DHX16: variants seen among roughly 807,000 people sequenced by gnomAD.
The protein encoded by DHX16 is pre-mRNA-splicing factor ATP-dependent RNA helicase DHX16.
DHX16 carries 81 observed loss-of-function variants against 131.2 expected under a neutral mutation model. That is an observed-to-expected ratio of 0.62 (90% CI 0.52 to 0.74). DHX16 has a LOEUF of 0.74. DHX16 is among the 30% of genes least tolerant of loss of function. The pLI, the probability that DHX16 is intolerant of heterozygous loss-of-function variation, is 0.00. For synonymous variants in DHX16, 440 were observed against 520.2 expected (o/e 0.85, Z 2.10); for missense variants, 980 against 1,363.1 (o/e 0.72, Z 4.43).
chr6:30,665,658 C>T lies in DHX16; in HGVS notation c.742G>A (p.Ala248Thr). Residue 248 changes from alanine to threonine, a missense_variant, in exon 5 of 20, where the codon GCG becomes ACG. Transcript: ENST00000376442. The surrounding 1 kb of genome is among the most constrained non-coding windows in gnomAD (Gnocchi z 4.8). ...REREKLEDLEAELADEEFLFG... is the reference protein window; with the variant it reads ...REREKLEDLETELADEEFLFG... ...AGGAACTCCTCATCAGCCAGCTCCG[C>T]CTCCAGGTCCTCAAGCTTCTCTCGC... The T allele has an allele frequency of 6.2e-7, 1 of 1,612,764 alleles. No individual in the cohort carries two copies.
At position 30,665,535 on chromosome 6, in the gene DHX16, G is replaced by A. The variant is rs1768961558; in HGVS notation, c.865C>T (p.Gln289Ter). ...LAREYRAAGE[Q>*]EKLEATNRYH... ...CGATTGGTGGCCTCCAGCTTCTCCT[G>A]CTCCCCAGCTGCCCGGTACTCCCGG... The change falls in exon 5 of 20, where the codon CAG becomes TAG. Residue 289 changes from glutamine (Q) to a stop codon, truncating the protein, a stop_gained. Coordinates refer to ENST00000376442, the MANE Select transcript of DHX16 (RefSeq NM_003587.5). LOFTEE classifies it high-confidence loss of function. The surrounding 1 kb of genome is among the most constrained non-coding windows in gnomAD (Gnocchi z 4.8). 1.2e-6 allele frequency: 2 copies of A among 1,612,892 alleles called. No individual in the cohort carries two copies. Among genetic ancestry groups the A allele is most frequent in the Non-Finnish European group, 1.7e-6 (2 of 1,180,020 alleles).
chr6:30,654,114 T>C (rs1225171153), intron 19 of DHX16, among the ~76,000 whole-genome samples: 9 of 147,304 alleles, frequency 6.1e-5, no homozygotes, highest in Non-Finnish European at 1.2e-4. Flanking sequence ...CACGGAACTC[T>C]CAAAAAAAAG....
intron 1 of DHX16, among the ~76,000 whole-genome samples, chr6:30,672,186 G>C (rs1769623077): frequency 1.3e-5 from 2 of 151,702 alleles, no homozygotes; most frequent in Non-Finnish European, 2.9e-5. Flanking sequence ...GGGGGTGGTG[G>C]CGCGCGCCCG....
chr6:30,653,492 G>T, intron 19 of DHX16, 122 bp from the exon 20 acceptor site: 1 of 1,125,574 alleles, frequency 8.9e-7, no homozygotes, highest in Non-Finnish European at 1.2e-6. Context: ...GACTGCAGTG[G>T]CGTATCATGG....
chr6:30,664,032 A>C (rs910784786), intron 7 of DHX16, among the ~76,000 whole-genome samples: 3 of 151,694 alleles, frequency 2.0e-5, no homozygotes, highest in Non-Finnish European at 4.4e-5. Flanking sequence ...TCAAAAAAAA[A>C]CAAAAAATGT....
Position 30,673,001 on chromosome 6 carries a change from T to C in DHX16, c.-160A>G, listed in dbSNP as rs759521483. On this transcript the variant is annotated 5_prime_UTR_variant, in exon 1 of 20. Coordinates refer to ENST00000376442, the MANE Select transcript of DHX16 (RefSeq NM_003587.5). Reference sequence around the variant, plus strand: ...CCGACATCCCAAAGCTGTCTTCCCGTACCGCGGAGCCCGGAAGGGGCTGTA... The same window carrying C: ...CCGACATCCCAAAGCTGTCTTCCCGCACCGCGGAGCCCGGAAGGGGCTGTA... 9.0e-6 allele frequency: 14 copies of C among 1,550,332 alleles called. No homozygotes were observed. The South Asian group carries it at 1.6e-4, about 17-fold the overall frequency.
Position 30,656,684 on chromosome 6 carries a change from C to T in DHX16, c.2224G>A (p.Ala742Thr), listed in dbSNP as rs1768017054. 1.9e-6 allele frequency: 3 copies of T among 1,613,808 alleles called. No homozygotes were observed. Among genetic ancestry groups the T allele is most frequent in the Middle Eastern group, 1.6e-4 (1 of 6,084 alleles). The change falls in exon 14 of 20, where the codon GCC (alanine) becomes ACC (threonine). Residue 742 changes from alanine (A) to threonine (T), a missense_variant. Transcript: ENST00000376442. The surrounding 1 kb of genome is among the most constrained non-coding windows in gnomAD (Gnocchi z 5.1). The part of the protein sequence containing the change: ...GKCFRLYTAW[A>T]YQHELEETTV... ...GTTTCCTCAAGCTCGTGCTGATAGG[C>T]CCAGGCGGTATACAGGCGGAAGCAC... is the stretch of plus-strand genomic sequence containing the variant.
rs370159014 is a variant in DHX16 at position 30,663,711 on chromosome 6, ACT to A, written c.1318-692_1318-691del. Among the ~76,000 whole-genome samples the A allele has an allele frequency of 6.5e-3, 756 of 116,566 alleles. 12 individuals are homozygous for A. The highest frequency in any genetic ancestry group is 0.059 in the South Asian group (223 of 3,756). 76.5% of individuals were successfully genotyped at this position (116,566 alleles called of 152,430 possible). On this transcript the variant is annotated intron_variant, in intron 7 of 19. Coordinates refer to ENST00000376442, the MANE Select transcript of DHX16 (RefSeq NM_003587.5). ...ACTCCAGCCTGGGCAACAGAGCAAG[ACT>A]CTGTCTCAAAAAAAAAAAAAAAAAA...
rs1413882055 is a variant in DHX16 at position 30,655,261 on chromosome 6, C to T, written c.2737G>A (p.Asp913Asn). 6.2e-6 allele frequency: 10 copies of T among 1,614,090 alleles called. No individual in the cohort carries two copies. The highest frequency in any genetic ancestry group is 8.5e-6 in the Non-Finnish European group (10 of 1,180,052). Reference sequence around the variant, plus strand: ...AGCCCTTCCAGCTGTTCCCGCACATCCCGGGCTCGGCGCATCGATCTGAAC... The same window carrying T: ...AGCCCTTCCAGCTGTTCCCGCACATTCCGGGCTCGGCGCATCGATCTGAAC... Reference protein sequence around the residue: ...VQFRSMRRARDVREQLEGLLE... With the variant: ...VQFRSMRRARNVREQLEGLLE... The change falls in exon 18 of 20, where the codon GAT becomes AAT. Residue 913 changes from aspartate to asparagine, a missense_variant. Physicochemically the swap from Asp to Asn is conservative, Grantham distance 23. This residue lies in a region of DHX16 where 214 missense variants were observed against 271.2 expected (regional missense o/e 0.79). Transcript: ENST00000376442.
rs914141994 is a variant in DHX16 at position 30,670,081 on chromosome 6, C to G, written c.666+329G>C. Reference sequence around the variant, plus strand: ...TGCCCTCCAGCAACCTTCTTGACAACATTCCAGCTGCCTCATATCTCATTA... The same window carrying G: ...TGCCCTCCAGCAACCTTCTTGACAAGATTCCAGCTGCCTCATATCTCATTA... On this transcript the variant is annotated intron_variant, in intron 4 of 19. Coordinates refer to ENST00000376442, the MANE Select transcript of DHX16 (RefSeq NM_003587.5). The surrounding 1 kb of genome is among the most constrained non-coding windows in gnomAD (Gnocchi z 4.4). Among the ~76,000 whole-genome samples, 4 of 152,198 alleles carry G rather than the reference C, an allele frequency of 2.6e-5. No individual in the cohort carries two copies. Among genetic ancestry groups the G allele is most frequent in the African/African-American group, 9.7e-5 (4 of 41,440 alleles).
chr6:30,659,840 G>A lies in DHX16; in HGVS notation c.1756-6C>T, dbSNP rs1203373141. 3 of 1,613,616 alleles carry A rather than the reference G, an allele frequency of 1.9e-6. No individual in the cohort carries two copies. Among genetic ancestry groups the A allele is most frequent in the African/African-American group, 2.7e-5 (2 of 74,934 alleles). On this transcript the variant is annotated splice_region_variant and splice_polypyrimidine_tract_variant and intron_variant, in intron 10 of 19. Transcript: ENST00000376442. ...AAGTAGTCAGCCTCTGGAGCCTGGAGAGCAGAAAGAGATGGGGTCACAGGA... is the reference window on the plus strand; with the variant it reads ...AAGTAGTCAGCCTCTGGAGCCTGGAAAGCAGAAAGAGATGGGGTCACAGGA...
intron 12 of DHX16, 99 bp from the exon 13 acceptor site, chr6:30,657,191 A>AG: frequency 7.9e-7 from 1 of 1,265,616 alleles, no homozygotes; most frequent in Non-Finnish European, 1.1e-6. Context: ...AGTTGCAGTA[A>AG]GGGGCAGGAG....
At position 30,671,260 on chromosome 6, in the gene DHX16, T is replaced by A; in HGVS notation, c.222A>T (p.Ala74=). ...CTGCCCGAGCTGGCTTTTCTACCAC[T>A]GCCTTTCGTGGTACCTGTCAGTAGA... The part of the protein sequence containing the change: ...LRLWNKVPRK[A]VVEKPARAAE... The change falls in exon 2 of 20, where the codon GCA becomes GCT. Residue 74 remains alanine (A), a synonymous_variant. Transcript: ENST00000376442. 1 of 1,612,984 alleles carries A rather than the reference T, an allele frequency of 6.2e-7. No homozygotes were observed. The highest frequency in any genetic ancestry group is 8.5e-7 in the Non-Finnish European group (1 of 1,179,984).
intron 9 of DHX16, 117 bp from the exon 10 acceptor site, chr6:30,660,359 G>C: frequency 1.2e-6 from 1 of 834,092 alleles, no homozygotes; most frequent in Non-Finnish European, 1.7e-6. Context: ...AATGACTGTT[G>C]ACGGAGGGGG....
Position 30,665,458 on chromosome 6 carries a change from G to C in DHX16, c.921+21C>G, listed in dbSNP as rs1219136994. ...ACTTGTCTTGGGGACCAAGGCTGAA[G>C]CAGACGCCGCTTCACCTCACCTGTC... On this transcript the variant is annotated intron_variant, in intron 5 of 19. Coordinates refer to ENST00000376442, the MANE Select transcript of DHX16 (RefSeq NM_003587.5). This position sits in a 1 kb window ranked among gnomAD's most constrained non-coding sequence, Gnocchi z 4.8. 2.5e-6 allele frequency: 4 copies of C among 1,606,468 alleles called. No individual in the cohort carries two copies. In the African/African-American group the frequency reaches 4.0e-5, roughly 16 times the overall value.
Position 30,654,692 on chromosome 6 carries a change from G to A in DHX16, c.2997+14C>T, listed in dbSNP as rs767575385. 1.2e-6 allele frequency: 2 copies of A among 1,606,814 alleles called. No individual in the cohort carries two copies. Among genetic ancestry groups the A allele is most frequent in the African/African-American group, 1.3e-5 (1 of 74,982 alleles). On this transcript the variant is annotated intron_variant, in intron 19 of 19. Transcript: ENST00000376442. ...ATAGTCTCCACCTGCGTGGGCACAG[G>A]ATGTTCTCCTCACCTGTCTCATGAA...
chr6:30,659,588 G>A lies in DHX16; in HGVS notation c.1891C>T (p.Arg631Cys), dbSNP rs757748798. ...ATTTTGGAGCCCAGGCGGCGGCAGCGATCCTGGAGCATCTCACAGGCAGCC... is the reference window on the plus strand; with the variant it reads ...ATTTTGGAGCCCAGGCGGCGGCAGCAATCCTGGAGCATCTCACAGGCAGCC... Reference protein sequence around the residue: ...IEAACEMLQDRCRRLGSKIRE... With the variant: ...IEAACEMLQDCCRRLGSKIRE... The change falls in exon 12 of 20, where the codon CGC (arginine) becomes TGC (cysteine). Residue 631 changes from arginine (R) to cysteine (C), a missense_variant. Arg to Cys is a radical substitution (Grantham distance 180). This residue lies in a region of DHX16 where 309 missense variants were observed against 537.1 expected (regional missense o/e 0.58). Coordinates refer to ENST00000376442, the MANE Select transcript of DHX16 (RefSeq NM_003587.5). The A allele has an allele frequency of 7.4e-6, 12 of 1,613,556 alleles. No homozygotes were observed. The highest frequency in any genetic ancestry group is 1.7e-5 in the Admixed American group (1 of 59,984).
rs1192369162 is a variant in DHX16, at chr6:30,662,864, G to A, written c.1428+47C>T. On this transcript the variant is annotated intron_variant, in intron 8 of 19. Coordinates refer to ENST00000376442, the MANE Select transcript of DHX16 (RefSeq NM_003587.5). This position sits in a 1 kb window ranked among gnomAD's most constrained non-coding sequence, Gnocchi z 4.7. ...TAGGGACCTGAGGGAACTGTAGACTGAGTCACAGACCCCAGACTCTACCCC... is the reference window on the plus strand; with the variant it reads ...TAGGGACCTGAGGGAACTGTAGACTAAGTCACAGACCCCAGACTCTACCCC... 3 of 1,577,850 alleles carry A rather than the reference G, an allele frequency of 1.9e-6. No homozygotes were observed. Among genetic ancestry groups the A allele is most frequent in the Non-Finnish European group, 2.6e-6 (3 of 1,149,284 alleles).
chr6:30,659,289 T>C (rs767984124), intron 12 of DHX16, among the ~76,000 whole-genome samples, 183 bp downstream of exon 12: 18 of 152,254 alleles, frequency 1.2e-4, no homozygotes, highest in Non-Finnish European at 2.2e-4. Flanking sequence ...AGATCACATA[T>C]TTGGCTCTCT....
Sources: gnomAD v4.1 joint callset for allele counts (sites outside exome capture counted in the v4.1 genomes callset) on GRCh38, gnomAD v4.1.1 for gene constraint, gnomAD v4.1.1 regional missense constraint, Gnocchi (gnomAD v3.1) non-coding constraint, MANE v1.5 for transcripts, NCBI Gene and HGNC (gene_info 2026-07-23, HGNC 2026-07-21) for gene names.